CKAP5: variants seen among roughly 807,000 people sequenced by gnomAD.
The protein encoded by CKAP5 is cytoskeleton associated protein 5, also known as cytoskeleton-associated protein 5.
CKAP5 carries 27 observed loss-of-function variants against 232.8 expected under a neutral mutation model. That is an observed-to-expected ratio of 0.12 (90% CI 0.09 to 0.16). The LOEUF is 0.16. CKAP5 is among the 10% of genes least tolerant of loss of function. The pLI is 1.00. For synonymous variants in CKAP5, 785 were observed against 841.1 expected (o/e 0.93, Z 1.16); for missense variants, 1,838 against 2,424.7 (o/e 0.76, Z 5.08).
rs1004037223 is a variant in CKAP5, at chr11:46,809,985, T to A, written c.631-111A>T. ...GGACCCAATTTCTTTCTTTTTTTTT[T>A]ATTGGAGACAGAGTCTTACTCTGTC... On this transcript the variant is annotated intron_variant, in intron 5 of 43. Coordinates refer to ENST00000529230, the MANE Select transcript of CKAP5 (RefSeq NM_001008938.4). 7.5e-6 allele frequency: 8 copies of A among 1,073,416 alleles called. No homozygotes were observed. In the African/African-American group the frequency reaches 8.1e-5, roughly 11 times the overall value. 66.5% of individuals were successfully genotyped at this position (1,073,416 alleles called of 1,614,324 possible). A position where few individuals can be genotyped will look rare whatever the true frequency, so the allele number is the denominator to read the frequency against.
intron 1 of CKAP5, among the ~76,000 whole-genome samples, chr11:46,824,141 T>C (rs942540953): frequency 3.3e-5 from 5 of 152,214 alleles, no homozygotes; most frequent in African/African-American, 1.2e-4. Flanking sequence ...TCATAGTCTA[T>C]GCTTCTTCCT....
At chr11:46,815,829 T>G (rs543063355) in intron 4 of CKAP5, among the ~76,000 whole-genome samples, 15 of 152,148 alleles carry the variant, frequency 9.9e-5, no homozygotes, top group Non-Finnish European at 7.3e-5. Flanking sequence ...CCAAACTCAA[T>G]TGAGATACTC....
At chr11:46,819,386 C>A (rs1939476839) in intron 2 of CKAP5, among the ~76,000 whole-genome samples, 1 of 152,026 alleles carries the variant, frequency 6.6e-6, no homozygotes, top group Non-Finnish European at 1.5e-5. Flanking sequence ...TTGGAAAAGG[C>A]CAGATCATGC....
At chr11:46,799,032 C>T (rs1938965275) in intron 9 of CKAP5, among the ~76,000 whole-genome samples, 1 of 152,224 alleles carries the variant, frequency 6.6e-6, no homozygotes, top group African/African-American at 2.4e-5. Flanking sequence ...GCCGCCTCTG[C>T]TCTGTCACCC....
At chr11:46,841,091 A>C (rs1054202823) in intron 1 of CKAP5, among the ~76,000 whole-genome samples, 3 of 152,034 alleles carry the variant, frequency 2.0e-5, no homozygotes, top group Admixed American at 1.3e-4. Flanking sequence ...CAAAATGGAG[A>C]AACCCCGTCT....
chr11:46,791,279 T>A (rs1938714491), intron 13 of CKAP5, among the ~76,000 whole-genome samples: 1 of 151,734 alleles, frequency 6.6e-6, no homozygotes, highest in South Asian at 2.1e-4. Context: ...AGACAGGGTC[T>A]TGCTCTGTCA....
At chr11:46,838,778 A>G (rs1480622526) in intron 1 of CKAP5, among the ~76,000 whole-genome samples, 1 of 100,878 alleles carries the variant, frequency 9.9e-6, no homozygotes, top group East Asian at 3.4e-4. Flanking sequence ...TAGGAGACAG[A>G]GTGGGACCCC....
chr11:46,786,546 T>C (rs2065395767), intron 16 of CKAP5, among the ~76,000 whole-genome samples: 1 of 152,174 alleles, frequency 6.6e-6, no homozygotes, highest in African/African-American at 2.4e-5. Flanking sequence ...TGGCAACTGT[T>C]TAACATCTAA....
intron 1 of CKAP5, among the ~76,000 whole-genome samples, chr11:46,829,583 A>G (rs1170752419): frequency 4.6e-5 from 7 of 152,182 alleles, no homozygotes; most frequent in Admixed American, 6.5e-5. Flanking sequence ...AGCTTACTTT[A>G]CTGTAAGAAT....
intron 15 of CKAP5, 138 bp downstream of exon 15, chr11:46,789,938 C>T (rs1365412790): frequency 1.8e-6 from 1 of 552,584 alleles, no homozygotes; most frequent in African/African-American, 1.9e-5. Flanking sequence ...AATAAAAAGT[C>T]CCACCTCATC....
At chr11:46,832,835 T>C (rs1265408336) in intron 1 of CKAP5, among the ~76,000 whole-genome samples, 1 of 152,056 alleles carries the variant, frequency 6.6e-6, no homozygotes, top group Non-Finnish European at 1.5e-5. Context: ...CATGCGCCTG[T>C]AGTCTCAGTT....
At chr11:46,780,793 T>C (rs1410267771) in intron 18 of CKAP5, among the ~76,000 whole-genome samples, 1 of 152,172 alleles carries the variant, frequency 6.6e-6, no homozygotes, top group Non-Finnish European at 1.5e-5. Context: ...TTTTTTTGTT[T>C]GTTTGTTTTT....
chr11:46,780,301 T>A lies in CKAP5; in HGVS notation c.2326A>T (p.Ile776Leu). Reference sequence around the variant, plus strand: ...AGATACATCACGCCAAGCAGGGTTATGGCAGCAGTCCTCACAGCCTGCCAG... The same window carrying A: ...AGATACATCACGCCAAGCAGGGTTAAGGCAGCAGTCCTCACAGCCTGCCAG... ...ATNPAVRTAA[I>L]TLLGVMYLYV... Residue 776 changes from isoleucine to leucine, a missense_variant, in exon 20 of 44, where the codon ATA becomes TTA. Ile to Leu is a conservative substitution (Grantham distance 5). Around this residue, in one of 6 missense-constraint regions of CKAP5, gnomAD observed 767 missense variants for 954.6 expected, o/e 0.80. Transcript: ENST00000529230. The A allele has an allele frequency of 6.2e-7, 1 of 1,614,110 alleles. No homozygotes were observed. The highest frequency in any genetic ancestry group is 1.1e-5 in the South Asian group (1 of 91,088).
At chr11:46,827,437 C>T (rs533975225) in intron 1 of CKAP5, among the ~76,000 whole-genome samples, 1 of 152,218 alleles carries the variant, frequency 6.6e-6, no homozygotes, top group Admixed American at 6.5e-5. Flanking sequence ...AAATACCAGC[C>T]TGGGCAACAA....
intron 18 of CKAP5, among the ~76,000 whole-genome samples, chr11:46,780,740 G>A (rs891755511): frequency 6.6e-6 from 1 of 152,136 alleles, no homozygotes; most frequent in Non-Finnish European, 1.5e-5. Context: ...TCAGCCTCCT[G>A]AGTAGCTGAG....
intron 1 of CKAP5, among the ~76,000 whole-genome samples, chr11:46,826,032 C>A (rs550336679): frequency 6.6e-6 from 1 of 152,264 alleles, no homozygotes; most frequent in East Asian, 1.9e-4. Flanking sequence ...TATCCTCTTG[C>A]CGGAGTATTC....
Position 46,778,131 on chromosome 11 carries a change from C to G in CKAP5, c.2748+8G>C. 3 of 1,611,856 alleles carry G rather than the reference C, an allele frequency of 1.9e-6. No individual in the cohort carries two copies. Among genetic ancestry groups the G allele is most frequent in the Non-Finnish European group, 2.5e-6 (3 of 1,178,544 alleles). On this transcript the variant is annotated splice_region_variant and intron_variant, in intron 22 of 43. Coordinates refer to ENST00000529230, the MANE Select transcript of CKAP5 (RefSeq NM_001008938.4). The stretch of plus-strand genomic sequence containing the variant: ...GAGATAAAAAGAACAGCCGTATGCT[C>G]TACATACCAAGATTTTATTTGAATC...
intron 1 of CKAP5, among the ~76,000 whole-genome samples, chr11:46,840,210 T>C (rs1444791633): frequency 6.6e-6 from 1 of 152,182 alleles, no homozygotes; most frequent in Non-Finnish European, 1.5e-5. Context: ...AGTAAAAGTA[T>C]CTGGGCATGT....
rs1364105321 is a variant in CKAP5 at position 46,809,406 on chromosome 11, G to A, written c.858C>T (p.Asp286=). Residue 286 remains aspartate (D), a synonymous_variant, in exon 7 of 44, where the codon GAC becomes GAT. Coordinates refer to ENST00000529230, the MANE Select transcript of CKAP5 (RefSeq NM_001008938.4). ...ILSKLPKDFY[D]KIEAKKWQER... ...AAGTTTAACTATTACTTACAATTTTGTCATAAAAGTCTTTGGGAAGTTTGG... is the reference window on the plus strand; with the variant it reads ...AAGTTTAACTATTACTTACAATTTTATCATAAAAGTCTTTGGGAAGTTTGG... The A allele has an allele frequency of 6.3e-7, 1 of 1,580,932 alleles. No homozygotes were observed. The highest frequency in any genetic ancestry group is 1.7e-5 in the Admixed American group (1 of 57,760).
Sources: allele counts gnomAD v4.1 joint callset (sites outside exome capture counted in the v4.1 genomes callset), GRCh38; gene constraint gnomAD v4.1.1; regional missense constraint gnomAD v4.1.1; transcripts MANE v1.5; gene names NCBI Gene and HGNC (gene_info 2026-07-23, HGNC 2026-07-21).